Variants in SASH1 observed in about 807,000 individuals in gnomAD.
SASH1 encodes SAM and SH3 domain-containing protein 1.
Under a neutral mutation model 125.2 loss-of-function variants are expected in SASH1, and 44 were observed. The observed-to-expected ratio is 0.35, with a 90% CI of 0.28 to 0.45. The LOEUF is 0.45. Among genes scored for constraint, SASH1 ranks in the 20% least tolerant of loss-of-function variants. SASH1 has a pLI of 1.00. For synonymous variants in SASH1, 639 were observed against 649.1 expected (o/e 0.98, Z 0.24); for missense variants, 1,426 against 1,614.5 (o/e 0.88, Z 2.00).
At chr6:148,259,740 G>C in the SASH1 span, among the ~76,000 whole-genome samples, 1 of 152,212 alleles carries the variant, frequency 6.6e-6, no homozygotes, top group African/African-American at 2.4e-5. Context: ...CTTTCATAGA[G>C]AAGACTTTTG....
At chr6:148,478,958 TA>T (rs1204259388) in intron 7 of SASH1, 2 of 160,768 alleles carry the variant, frequency 1.2e-5, no homozygotes, top group Non-Finnish European at 2.8e-5. Flanking sequence ...ATATGAGAAG[TA>T]TGGGCATATG....
the SASH1 span, among the ~76,000 whole-genome samples, chr6:148,252,614 G>A: frequency 6.6e-6 from 1 of 152,072 alleles, no homozygotes; most frequent in Non-Finnish European, 1.5e-5. Context: ...AAGTAGCTGG[G>A]ATTATAGGCG....
At chr6:148,331,684 T>C (rs536005986) in intron 1 of SASH1, among the ~76,000 whole-genome samples, 1 of 152,116 alleles carries the variant, frequency 6.6e-6, no homozygotes, top group Non-Finnish European at 1.5e-5. Flanking sequence ...GGCTATTGCC[T>C]ATCAGAGTAG....
chr6:148,236,283 C>T, the SASH1 span, among the ~76,000 whole-genome samples: 1 of 151,890 alleles, frequency 6.6e-6, no homozygotes, highest in African/African-American at 2.4e-5. Context: ...GGCACGATCT[C>T]GGCTCACTGC....
intron 2 of SASH1, among the ~76,000 whole-genome samples, chr6:148,435,993 A>G (rs1776277186): frequency 6.6e-6 from 1 of 152,208 alleles, no homozygotes; most frequent in Non-Finnish European, 1.5e-5. Flanking sequence ...AGATATTGTC[A>G]TGAATAAATG....
At chr6:148,484,806 G>A (rs952111400) in intron 7 of SASH1, among the ~76,000 whole-genome samples, 1 of 152,092 alleles carries the variant, frequency 6.6e-6, no homozygotes, top group African/African-American at 2.4e-5. Context: ...AGCTGGATGT[G>A]GTGCCATGCC....
intron 4 of SASH1, among the ~76,000 whole-genome samples, chr6:148,447,858 G>A (rs1294127905): frequency 6.6e-6 from 1 of 152,072 alleles, no homozygotes; most frequent in Non-Finnish European, 1.5e-5. Context: ...TTCTCAGACA[G>A]GCCCTATTCT....
chr6:148,305,384 G>T (rs1333536622), intron 1 of SASH1, among the ~76,000 whole-genome samples: 2 of 152,054 alleles, frequency 1.3e-5, no homozygotes. Flanking sequence ...GAGGCGGGGG[G>T]ATCATGAGGT....
intron 8 of SASH1, 40 bp downstream of exon 8, chr6:148,487,755 C>A: frequency 7.4e-7 from 1 of 1,353,172 alleles, no homozygotes; most frequent in Non-Finnish European, 1.1e-6. Context: ...TCACCTACGC[C>A]GATAAGGGAC....
Position 148,544,032 on chromosome 6 carries a change from T to C in SASH1, c.2562T>C (p.Pro854=). 1 of 1,614,086 alleles carries C rather than the reference T, an allele frequency of 6.2e-7. No homozygotes were observed. Among genetic ancestry groups the C allele is most frequent in the Non-Finnish European group, 8.5e-7 (1 of 1,180,030 alleles). The change falls in exon 18 of 20, where the codon CCT becomes CCC. Residue 854 remains proline, a synonymous_variant. Transcript: ENST00000367467. This position sits in a 1 kb window ranked among gnomAD's most constrained non-coding sequence, Gnocchi z 6.4. The part of the protein sequence containing the change: ...QVEPGAEQDV[P]TEVTEPPPQI... ...AGCCTGGTGCTGAGCAAGACGTGCC[T>C]ACCGAGGTGACAGAACCGCCCCCTC... is the stretch of plus-strand genomic sequence containing the variant.
chr6:148,256,428 C>T, the SASH1 span, among the ~76,000 whole-genome samples: 4 of 152,152 alleles, frequency 2.6e-5, no homozygotes, highest in Admixed American at 2.0e-4. Flanking sequence ...ACAGTATCTT[C>T]TTAAATATGT....
At position 148,343,164 on chromosome 6, in the gene SASH1, C is replaced by G. The variant is rs772087841; in HGVS notation, c.97C>G (p.Pro33Ala). 1 of 1,600,150 alleles carries G rather than the reference C, an allele frequency of 6.2e-7. No individual in the cohort carries two copies. Among genetic ancestry groups the G allele is most frequent in the Non-Finnish European group, 8.5e-7 (1 of 1,179,252 alleles). ...PAPEPEPEPKPGAGTSEAFSR... is the reference protein window; with the variant it reads ...PAPEPEPEPKAGAGTSEAFSR... The stretch of plus-strand genomic sequence containing the variant: ...GCCGGAGCCGGAACCGGAGCCCAAG[C>G]CGGGTGCTGGCACATCCGAGGCGTT... Residue 33 changes from proline to alanine, a missense_variant, in exon 1 of 20, where the codon CCG becomes GCG. Transcript: ENST00000367467.
Position 148,317,018 on chromosome 6 carries a change from C to G in SASH1, n.74+44641C>G, listed in dbSNP as rs111718516. Reference sequence around the variant, plus strand: ...GACATGGCACCTGGCTGACTTTGCACTCCATTCTGAGTTAGCTGGAAAGGG... The same window carrying G: ...GACATGGCACCTGGCTGACTTTGCAGTCCATTCTGAGTTAGCTGGAAAGGG... On this transcript the variant is annotated intron_variant and non_coding_transcript_variant, in intron 1 of 3. Coordinates refer to the SASH1 transcript ENST00000367469. Among the ~76,000 whole-genome samples, 98 of 152,236 alleles carry G rather than the reference C, an allele frequency of 6.4e-4. No homozygotes were observed. In the Middle Eastern group the frequency reaches 0.02, roughly 32 times the overall value.
chr6:148,444,416 G>A (rs1317548130), intron 4 of SASH1, among the ~76,000 whole-genome samples: 1 of 152,138 alleles, frequency 6.6e-6, no homozygotes, highest in African/African-American at 2.4e-5. Context: ...CATCTATTGT[G>A]GATGCCCCTG....
chr6:148,218,233 A>T, the SASH1 span, among the ~76,000 whole-genome samples: 1 of 152,092 alleles, frequency 6.6e-6, no homozygotes, highest in East Asian at 1.9e-4. Flanking sequence ...AAATGAAAAA[A>T]AAATAAAAAA....
intron 1 of SASH1, among the ~76,000 whole-genome samples, chr6:148,310,532 G>A (rs1364611992): frequency 6.6e-6 from 1 of 151,868 alleles, no homozygotes; most frequent in East Asian, 1.9e-4. Flanking sequence ...AGAAAACATG[G>A]ATAAATTGAA....
intron 2 of SASH1, among the ~76,000 whole-genome samples, chr6:148,403,792 G>C (rs1302821038): frequency 6.6e-6 from 1 of 151,540 alleles, no homozygotes; most frequent in Non-Finnish European, 1.5e-5. Flanking sequence ...TCGACCTCCC[G>C]AAGTGCTGGG....
At chr6:148,195,986 C>T in the SASH1 span, among the ~76,000 whole-genome samples, 1 of 150,854 alleles carries the variant, frequency 6.6e-6, no homozygotes, top group South Asian at 2.1e-4. Context: ...GATTTAATAA[C>T]AGGCTTGGTG....
intron 4 of SASH1, among the ~76,000 whole-genome samples, chr6:148,467,679 G>A (rs980177355): frequency 2.0e-5 from 3 of 152,276 alleles, no homozygotes; most frequent in Admixed American, 6.5e-5. Flanking sequence ...GCTCACGCCT[G>A]TAATCCCAGC....
Sources: allele counts gnomAD v4.1 joint callset (sites outside exome capture counted in the v4.1 genomes callset), GRCh38; gene constraint gnomAD v4.1.1; non-coding constraint Gnocchi (gnomAD v3.1); transcripts MANE v1.5; gene names NCBI Gene and HGNC (gene_info 2026-07-23, HGNC 2026-07-21).